Variants in KDM1B observed in about 807,000 individuals in gnomAD.
KDM1B encodes lysine demethylase 1B.
Under a neutral mutation model 107.4 loss-of-function variants are expected in KDM1B, and 63 were observed. The observed-to-expected ratio is 0.59, with a 90% CI of 0.48 to 0.72. The LOEUF (loss-of-function observed/expected upper bound fraction) is 0.72, where lower values mean the gene tolerates loss of function less well. Among genes scored for constraint, KDM1B ranks in the 30% least tolerant of loss-of-function variants. The pLI is 0.00. For synonymous variants in KDM1B, 363 were observed against 363.9 expected (o/e 1.00, Z 0.03); for missense variants, 749 against 1,020.8 (o/e 0.73, Z 3.63).
rs947490110 is a variant in KDM1B at position 18,155,474 on chromosome 6, TCGCGGCGCGGCTGCAGCCGTCCTGTGCG to T, written c.-145_-118del. 3.6e-4 allele frequency: 56 copies of T among 156,208 alleles called. No homozygotes were observed. Among genetic ancestry groups the T allele is most frequent in the Non-Finnish European group, 7.4e-4 (53 of 71,174 alleles). The allele number at this position is 156,208 out of a possible 1,614,324, so 9.7% of individuals were successfully genotyped here. On this transcript the variant is annotated 5_prime_UTR_variant, in exon 1 of 22. Coordinates refer to ENST00000650836, the MANE Select transcript of KDM1B (RefSeq NM_001364614.2). The surrounding 1 kb of genome is among the most constrained non-coding windows in gnomAD (Gnocchi z 6.2). ...GCGGCGGCCGAGAAGAGGCTGGGGC[TCGCGGCGCGGCTGCAGCCGTCCTGTGCG>T]CGCGGCGCGCGGCTCCGGAGAGGCG... is the stretch of plus-strand genomic sequence containing the variant.
intron 6 of KDM1B, among the ~76,000 whole-genome samples, chr6:18,167,899 A>G (rs1785416428): frequency 6.6e-6 from 1 of 151,906 alleles, no homozygotes; most frequent in South Asian, 2.1e-4. Flanking sequence ...AGCAGCTGGA[A>G]CTATAGAGTG....
At chr6:18,164,302 A>G (rs1463167387) in intron 5 of KDM1B, among the ~76,000 whole-genome samples, 1 of 151,764 alleles carries the variant, frequency 6.6e-6, no homozygotes, top group Non-Finnish European at 1.5e-5. Flanking sequence ...TGATTTTTGT[A>G]TTGTTAATAG....
chr6:18,171,681 G>A (rs1785673438), intron 7 of KDM1B, among the ~76,000 whole-genome samples: 1 of 152,182 alleles, frequency 6.6e-6, no homozygotes, highest in African/African-American at 2.4e-5. Flanking sequence ...ACATAGGTAA[G>A]CAGTTAAGAC....
At chr6:18,170,075 ATTT>A (rs1384316637) in intron 6 of KDM1B, among the ~76,000 whole-genome samples, 2 of 151,360 alleles carry the variant, frequency 1.3e-5, no homozygotes, top group African/African-American at 4.9e-5. Flanking sequence ...CGCCCAGCTA[ATTT>A]TTTTATATTT....
chr6:18,187,910 G>A lies in KDM1B; in HGVS notation c.692G>A (p.Ser231Asn). Reference sequence around the variant, plus strand: ...TACTACCCTGACTGTGTTGGCATGAGCCCCTCCTGCACCAGCACAAACCGC... The same window carrying A: ...TACTACCCTGACTGTGTTGGCATGAACCCCTCCTGCACCAGCACAAACCGC... Reference protein sequence around the residue: ...SAYYPDCVGMSPSCTSTNRAA... With the variant: ...SAYYPDCVGMNPSCTSTNRAA... The change falls in exon 9 of 22, where the codon AGC becomes AAC. Residue 231 changes from serine (S) to asparagine (N), a missense_variant. Transcript: ENST00000650836. 2 of 1,550,444 alleles carry A rather than the reference G, an allele frequency of 1.3e-6. No individual in the cohort carries two copies. Among genetic ancestry groups the A allele is most frequent in the South Asian group, 1.2e-5 (1 of 84,066 alleles).
chr6:18,195,997 C>T (rs2150955752), intron 10 of KDM1B, among the ~76,000 whole-genome samples: 1 of 152,214 alleles, frequency 6.6e-6, no homozygotes, highest in East Asian at 1.9e-4. Context: ...TATTCCCCCT[C>T]CCCTCAGCCC....
In KDM1B at chr6:18,170,137, C is replaced by A. The variant is rs562311725; in HGVS notation, c.418-1226C>A. Among the ~76,000 whole-genome samples, 11 of 152,158 alleles carry A rather than the reference C, an allele frequency of 7.2e-5. No homozygotes were observed. In the South Asian group the frequency reaches 2.3e-3, roughly 32 times the overall value. On this transcript the variant is annotated intron_variant, in intron 6 of 21. Transcript: ENST00000650836. ...TGTTGGCCAGGCTGGTCTTGAGCTC[C>A]TGACCTCAGGTGATTCACCTGCCTC...
At chr6:18,216,668 G>A (rs1292665531) in intron 20 of KDM1B, among the ~76,000 whole-genome samples, 5 of 152,126 alleles carry the variant, frequency 3.3e-5, no homozygotes, top group Non-Finnish European at 5.9e-5. Flanking sequence ...GTCATGCACC[G>A]TTCTGAAGAG....
chr6:18,210,364 T>G (rs1212093197), intron 17 of KDM1B, among the ~76,000 whole-genome samples: 3 of 106,046 alleles, frequency 2.8e-5, no homozygotes, highest in East Asian at 2.5e-4. Flanking sequence ...TTTTTTTTTT[T>G]TTTTTTTTGT....
chr6:18,200,475 C>T lies in KDM1B; in HGVS notation c.1258C>T (p.Arg420Ter), dbSNP rs549703362. The change falls in exon 13 of 22, where the codon CGA (arginine) becomes TGA (stop). Residue 420 changes from arginine to a stop codon, truncating the protein, a stop_gained. Coordinates refer to ENST00000650836, the MANE Select transcript of KDM1B (RefSeq NM_001364614.2). LOFTEE classifies it high-confidence loss of function. This position sits in a 1 kb window ranked among gnomAD's most constrained non-coding sequence, Gnocchi z 4.3. ...GGAAGCCAAAGACAGAATTGGAGGC[C>T]GAGTCTGGGATGATAAATCTTTTAA... Reference protein sequence around the residue: ...VLEAKDRIGGRVWDDKSFKGV... With the variant: ...VLEAKDRIGG 3 of 1,613,720 alleles carry T rather than the reference C, an allele frequency of 1.9e-6. No homozygotes were observed. Among genetic ancestry groups the T allele is most frequent in the Non-Finnish European group, 2.5e-6 (3 of 1,179,930 alleles).
intron 7 of KDM1B, among the ~76,000 whole-genome samples, chr6:18,178,676 C>T (rs910545887): frequency 1.3e-5 from 2 of 152,186 alleles, no homozygotes; most frequent in Non-Finnish European, 2.9e-5. Context: ...TAGGTGTGAG[C>T]CACTGCACCC....
At chr6:18,199,233 A>G (rs1561940507) in intron 12 of KDM1B, among the ~76,000 whole-genome samples, 1 of 151,968 alleles carries the variant, frequency 6.6e-6, no homozygotes, top group African/African-American at 2.4e-5. Flanking sequence ...CTGTCAGAGA[A>G]AGAGGGTAGA....
rs1788022009 is a variant in KDM1B at position 18,201,403 on chromosome 6, G to C, written c.1360-83G>C. ...ATATGAGACCATTTTCTCCATGAGA[G>C]CTCTGTCTGATTTTCAGCTTAGAAC... On this transcript the variant is annotated intron_variant, in intron 13 of 21. Coordinates refer to ENST00000650836, the MANE Select transcript of KDM1B (RefSeq NM_001364614.2). This position sits in a 1 kb window ranked among gnomAD's most constrained non-coding sequence, Gnocchi z 4.3. The C allele has an allele frequency of 5.1e-6, 5 of 986,342 alleles. No homozygotes were observed. The highest frequency in any genetic ancestry group is 7.4e-6 in the Non-Finnish European group (5 of 673,886). 61.1% of individuals were successfully genotyped at this position (986,342 alleles called of 1,614,324 possible). A position where few individuals can be genotyped will look rare whatever the true frequency, so the allele number is the denominator to read the frequency against.
At position 18,203,801 on chromosome 6, in the gene KDM1B, C is replaced by T. The variant is rs1448634978; in HGVS notation, c.1532-1736C>T. Reference sequence around the variant, plus strand: ...CTGGGAGGCAGAGGTTGCAGTGAGACAAGATCAGGCCATTGCACTTCAGTC... The same window carrying T: ...CTGGGAGGCAGAGGTTGCAGTGAGATAAGATCAGGCCATTGCACTTCAGTC... On this transcript the variant is annotated intron_variant, in intron 14 of 21. Transcript: ENST00000650836. This position sits in a 1 kb window ranked among gnomAD's most constrained non-coding sequence, Gnocchi z 5.5. 6.9e-6 allele frequency among the ~76,000 whole-genome samples: 1 copy of T among 145,328 alleles called. No homozygotes were observed. The highest frequency in any genetic ancestry group is 1.5e-5 in the Non-Finnish European group (1 of 67,216).
chr6:18,220,554 A>G (rs1789614602), intron 21 of KDM1B, among the ~76,000 whole-genome samples: 1 of 152,128 alleles, frequency 6.6e-6, no homozygotes, highest in South Asian at 2.1e-4. Context: ...TCAAAACAAA[A>G]CAAAAGAATG....
At chr6:18,171,934 T>G (rs1459755761) in intron 7 of KDM1B, among the ~76,000 whole-genome samples, 1 of 152,254 alleles carries the variant, frequency 6.6e-6, no homozygotes, top group East Asian at 1.9e-4. Flanking sequence ...AGTAGATTTC[T>G]ATTTATATCT....
In KDM1B at chr6:18,217,740, CA is replaced by C; in HGVS notation, c.2241del (p.Asp748IlefsTer23). Reference protein sequence around the residue: ...LRELFKEQEVPDPTKYFVTRW... With the variant: ...LRELFKEQEVXDPTKYFVTRW... ...CCTTTCTATTGGACATAGGAGGTCC[CA>C]GATCCCACAAAGTATTTTGTCACTC... On this transcript the variant is annotated frameshift_variant, in exon 21 of 22. Coordinates refer to ENST00000650836, the MANE Select transcript of KDM1B (RefSeq NM_001364614.2). LOFTEE classifies it high-confidence loss of function. The C allele has an allele frequency of 6.2e-7, 1 of 1,611,808 alleles. No homozygotes were observed. The highest frequency in any genetic ancestry group is 8.5e-7 in the Non-Finnish European group (1 of 1,179,382).
chr6:18,169,119 G>T (rs775143245), intron 6 of KDM1B, among the ~76,000 whole-genome samples: 1 of 151,918 alleles, frequency 6.6e-6, no homozygotes, highest in Non-Finnish European at 1.5e-5. Context: ...TGATCTGCTC[G>T]CCTCGGCGTC....
chr6:18,176,129 C>T (rs1785989437), intron 7 of KDM1B, among the ~76,000 whole-genome samples: 2 of 152,082 alleles, frequency 1.3e-5, no homozygotes, highest in African/African-American at 2.4e-5. Flanking sequence ...ATGATTTCTT[C>T]CAGCAGTGTT....
Sources: allele counts gnomAD v4.1 joint callset (sites outside exome capture counted in the v4.1 genomes callset), GRCh38; gene constraint gnomAD v4.1.1; non-coding constraint Gnocchi (gnomAD v3.1); transcripts MANE v1.5; gene names NCBI Gene and HGNC (gene_info 2026-07-23, HGNC 2026-07-21).